Variants in RSBN1 observed in about 807,000 individuals in gnomAD.
RSBN1 encodes round spermatid basic protein 1.
In RSBN1, 23 loss-of-function variants were observed where a neutral mutation model predicts 74.8. The ratio of observed to expected loss-of-function variants is 0.31; its 90% CI spans 0.22 to 0.44. RSBN1 has a LOEUF of 0.44. Ranked by LOEUF, RSBN1 falls within the 20% of genes least tolerant of loss-of-function variation. RSBN1 has a pLI of 1.00. For synonymous variants in RSBN1, 407 were observed against 379.6 expected (o/e 1.07, Z -0.84); for missense variants, 808 against 1,020.9 (o/e 0.79, Z 2.84).
At chr1:113,782,043 G>A (rs1379839107) in intron 2 of RSBN1, among the ~76,000 whole-genome samples, 1 of 152,048 alleles carries the variant, frequency 6.6e-6, no homozygotes, top group East Asian at 1.9e-4. Context: ...CCTTTTTAAG[G>A]AAGACAAAGC....
intron 6 of RSBN1, 108 bp downstream of exon 6, chr1:113,766,991 A>G (rs924398104): frequency 9.9e-6 from 6 of 608,380 alleles, no homozygotes; most frequent in Middle Eastern, 4.6e-4. Context: ...CAGTAATAAA[A>G]TTAAACTCAC....
At chr1:113,787,576 T>C (rs1324707392) in intron 2 of RSBN1, among the ~76,000 whole-genome samples, 1 of 152,152 alleles carries the variant, frequency 6.6e-6, no homozygotes, top group Non-Finnish European at 1.5e-5. Flanking sequence ...AAAAGTGAAC[T>C]AAATGACTAC....
intron 2 of RSBN1, among the ~76,000 whole-genome samples, chr1:113,788,390 A>T (rs1167822092): frequency 6.6e-6 from 1 of 152,124 alleles, no homozygotes; most frequent in Non-Finnish European, 1.5e-5. Flanking sequence ...ATGATGTTTT[A>T]TTTCTTGGGC....
At chr1:113,781,879 C>T (rs1306469176) in intron 2 of RSBN1, among the ~76,000 whole-genome samples, 1 of 152,178 alleles carries the variant, frequency 6.6e-6, no homozygotes, top group Non-Finnish European at 1.5e-5. Context: ...ATTGTAAAAC[C>T]TCTTAACCAG....
chr1:113,797,997 T>G lies in RSBN1; in HGVS notation c.743A>C (p.Asp248Ala). 2 of 1,610,468 alleles carry G rather than the reference T, an allele frequency of 1.2e-6. No homozygotes were observed. Among genetic ancestry groups the G allele is most frequent in the Non-Finnish European group, 1.7e-6 (2 of 1,179,140 alleles). Residue 248 changes from aspartate to alanine, a missense_variant, in exon 2 of 7, where the codon GAT (aspartate) becomes GCT (alanine). Around this residue, in one of 6 missense-constraint regions of RSBN1, gnomAD observed 464 missense variants for 401.0 expected, o/e 1.16. Transcript: ENST00000261441. ...CTTCTTTATTTTCTTCAAGACAAAA[T>G]CATCGGCTCTCTGGGTTTTACCATT... is the stretch of plus-strand genomic sequence containing the variant. Reference protein sequence around the residue: ...DENGKTQRADDFVLKKIKKKK... With the variant: ...DENGKTQRADAFVLKKIKKKK...
chr1:113,804,588 G>A (rs1478263090), intron 1 of RSBN1, among the ~76,000 whole-genome samples: 1 of 152,194 alleles, frequency 6.6e-6, no homozygotes, highest in Non-Finnish European at 1.5e-5. Flanking sequence ...TGGACCTGAG[G>A]TAGCTTGGAA....
chr1:113,769,057 C>CA lies in RSBN1; in HGVS notation c.1659-669dup, dbSNP rs539926219. On this transcript the variant is annotated intron_variant, in intron 4 of 6. Transcript: ENST00000261441. ...TGAATTCTGGCAAAACAGCTGCTGC[C>CA]AACCAATTTAAAGACCCCCACAGAA... is the stretch of plus-strand genomic sequence containing the variant. Among the ~76,000 whole-genome samples, 191 of 152,154 alleles carry CA rather than the reference C, an allele frequency of 1.3e-3. 2 individuals carry two copies. The highest frequency in any genetic ancestry group is 5.4e-3 in the Admixed American group (82 of 15,302).
rs746676514 is a variant in RSBN1 at position 113,812,078 on chromosome 1, G to A, written c.335C>T (p.Pro112Leu). The A allele has an allele frequency of 5.1e-6, 8 of 1,579,698 alleles. No homozygotes were observed. In the Admixed American group the frequency reaches 5.4e-5, roughly 11 times the overall value. The change falls in exon 1 of 7, where the codon CCT becomes CTT. Residue 112 changes from proline (P) to leucine (L), a missense_variant. Pro to Leu is a moderately conservative substitution (Grantham distance 98). Around this residue, in one of 6 missense-constraint regions of RSBN1, gnomAD observed 464 missense variants for 401.0 expected, o/e 1.16. Transcript: ENST00000261441. ...TTGGCGGCTGCGACGCCGCCGGTGA[G>A]GGGGAGCGAGAGGGGGCTCCTGGCT... ...RPSQEPPLAP[P>L]HRRRRSRQHP...
intron 1 of RSBN1, among the ~76,000 whole-genome samples, chr1:113,800,958 A>C (rs1348202905): frequency 6.6e-6 from 1 of 151,972 alleles, no homozygotes; most frequent in Non-Finnish European, 1.5e-5. Context: ...ATTTCAATCT[A>C]TCTTCTCACT....
chr1:113,785,525 A>G (rs926619057), intron 2 of RSBN1, among the ~76,000 whole-genome samples: 3 of 152,202 alleles, frequency 2.0e-5, no homozygotes, highest in East Asian at 1.9e-4. Context: ...ACATAAACAT[A>G]TATTTTATGC....
At chr1:113,784,224 A>T (rs960996384) in intron 2 of RSBN1, among the ~76,000 whole-genome samples, 1 of 152,202 alleles carries the variant, frequency 6.6e-6, no homozygotes, top group Non-Finnish European at 1.5e-5. Flanking sequence ...TTCATTTACC[A>T]CAAGTTTATT....
intron 4 of RSBN1, among the ~76,000 whole-genome samples, chr1:113,775,258 CAG>C (rs1420642483): frequency 3.9e-5 from 6 of 152,086 alleles, no homozygotes; most frequent in Non-Finnish European, 8.8e-5. Flanking sequence ...CTCCTGACCT[CAG>C]GTGATCCGCC....
At chr1:113,801,734 A>C (rs1184834775) in intron 1 of RSBN1, among the ~76,000 whole-genome samples, 3 of 152,206 alleles carry the variant, frequency 2.0e-5, no homozygotes, top group Non-Finnish European at 4.4e-5. Flanking sequence ...CACCTATCCA[A>C]CTGTGTGATT....
intron 1 of RSBN1, among the ~76,000 whole-genome samples, chr1:113,805,096 G>T (rs1313407578): frequency 6.6e-5 from 10 of 151,870 alleles, no homozygotes; most frequent in Admixed American, 6.6e-4. Flanking sequence ...TCTTTTCATG[G>T]ATTTTTAAGG....
intron 4 of RSBN1, among the ~76,000 whole-genome samples, chr1:113,768,993 G>A (rs1659836463): frequency 6.6e-6 from 1 of 151,864 alleles, no homozygotes; most frequent in Non-Finnish European, 1.5e-5. Flanking sequence ...TTTTGTTTAA[G>A]ATAGAATCTC....
In RSBN1 at chr1:113,800,666, C is replaced by G. The variant is rs868709219; in HGVS notation, c.704-2630G>C. Among the ~76,000 whole-genome samples, 6 of 152,216 alleles carry G rather than the reference C, an allele frequency of 3.9e-5. No homozygotes were observed. In the South Asian group the frequency reaches 8.3e-4, roughly 21 times the overall value. On this transcript the variant is annotated intron_variant, in intron 1 of 6. Coordinates refer to ENST00000261441, the MANE Select transcript of RSBN1 (RefSeq NM_018364.5). ...AATGAATTGTGACCTAGATCTGCCACTGAAATTAGCACCAAGAAAGAACTG... is the reference window on the plus strand; with the variant it reads ...AATGAATTGTGACCTAGATCTGCCAGTGAAATTAGCACCAAGAAAGAACTG...
chr1:113,782,782 C>A (rs1239454396), intron 2 of RSBN1, among the ~76,000 whole-genome samples: 1 of 152,158 alleles, frequency 6.6e-6, no homozygotes, highest in East Asian at 1.9e-4. Flanking sequence ...AAAAGTTCTC[C>A]TTTTTCCATA....
At position 113,797,357 on chromosome 1, in the gene RSBN1, T is replaced by C; in HGVS notation, c.1377+6A>G. The C allele has an allele frequency of 6.3e-7, 1 of 1,599,532 alleles. No homozygotes were observed. The highest frequency in any genetic ancestry group is 1.1e-5 in the South Asian group (1 of 89,702). Reference sequence around the variant, plus strand: ...TACTAATTTTTAACAACAATTTTTATCTTACCTGAGTGTGAAAATTTGAAA... The same window carrying C: ...TACTAATTTTTAACAACAATTTTTACCTTACCTGAGTGTGAAAATTTGAAA... On this transcript the variant is annotated splice_donor_region_variant and intron_variant, in intron 2 of 6. Transcript: ENST00000261441.
At chr1:113,787,342 G>A (rs1386593374) in intron 2 of RSBN1, among the ~76,000 whole-genome samples, 1 of 152,146 alleles carries the variant, frequency 6.6e-6, no homozygotes, top group Non-Finnish European at 1.5e-5. Context: ...GAGAACAGAA[G>A]TAAAAACTAC....
Sources: gnomAD v4.1 joint callset for allele counts (sites outside exome capture counted in the v4.1 genomes callset) on GRCh38, gnomAD v4.1.1 for gene constraint, gnomAD v4.1.1 regional missense constraint, MANE v1.5 for transcripts, NCBI Gene and HGNC (gene_info 2026-07-23, HGNC 2026-07-21) for gene names.